The following FRMPD1 variants were observed in gnomAD, a reference collection of about 807,000 sequenced individuals.
FRMPD1 encodes the protein FERM and PDZ domain-containing protein 1.
FRMPD1 carries 76 observed loss-of-function variants against 117.8 expected under a neutral mutation model. The observed-to-expected ratio is 0.65, with a 90% CI of 0.54 to 0.78. The LOEUF (loss-of-function observed/expected upper bound fraction) is 0.78. FRMPD1 is among the 30% of genes least tolerant of loss of function. The probability of loss-of-function intolerance (pLI) is 0.00; values close to 1 mark genes in which losing one functional copy is unlikely to be tolerated. For synonymous variants in FRMPD1, 783 were observed against 770.4 expected, an observed-to-expected ratio of 1.02 and a Z score of -0.27; for missense variants, 1,786 against 1,964.5, an observed-to-expected ratio of 0.91 and a Z score of 1.72.
chr9:37,670,607 A>G (rs1821318122), intron 1 of FRMPD1, among the ~76,000 whole-genome samples: 1 of 152,214 alleles, frequency 6.6e-6, no homozygotes. Context: ...TAACTAGGTC[A>G]GTGTCAAATG....
chr9:37,681,245 A>G (rs189014588), intron 1 of FRMPD1, among the ~76,000 whole-genome samples: 78 of 152,036 alleles, frequency 5.1e-4, no homozygotes, highest in Non-Finnish European at 9.9e-4. Flanking sequence ...AAAGAAAAGA[A>G]AAAAGAAAAT....
intron 1 of FRMPD1, among the ~76,000 whole-genome samples, chr9:37,671,313 G>T (rs1423939750): frequency 6.6e-6 from 1 of 152,212 alleles, no homozygotes; most frequent in East Asian, 1.9e-4. Flanking sequence ...TAGGAAACTT[G>T]AATGTCATGA....
chr9:37,603,701 G>A, the FRMPD1 span, among the ~76,000 whole-genome samples: 4 of 151,778 alleles, frequency 2.6e-5, no homozygotes, highest in Non-Finnish European at 4.4e-5. Context: ...TTTTTGAGAC[G>A]GAGTTTTGCT....
the FRMPD1 span, among the ~76,000 whole-genome samples, chr9:37,645,100 G>GGAAAAA: frequency 8.4e-6 from 1 of 119,574 alleles, no homozygotes; most frequent in Admixed American, 8.2e-5. Flanking sequence ...TGAGCCAGCA[G>GGAAAAA]AAAAAAAAAA....
At chr9:37,696,061 T>G (rs1200428091) in intron 2 of FRMPD1, among the ~76,000 whole-genome samples, 1 of 135,150 alleles carries the variant, frequency 7.4e-6, no homozygotes, top group East Asian at 2.3e-4. Flanking sequence ...CTTTTTTTTT[T>G]TTTTTTTTTT....
At chr9:37,606,255 C>T in the FRMPD1 span, among the ~76,000 whole-genome samples, 2 of 152,040 alleles carry the variant, frequency 1.3e-5, no homozygotes, top group Non-Finnish European at 1.5e-5. Flanking sequence ...ATATTTATCC[C>T]GGTGGAAGAG....
chr9:37,645,181 C>G, the FRMPD1 span, among the ~76,000 whole-genome samples: 1 of 151,550 alleles, frequency 6.6e-6, no homozygotes, highest in Non-Finnish European at 1.5e-5. Flanking sequence ...CCAGTCCTAT[C>G]TTTTCAAAGC....
chr9:37,742,058 T>A (rs1057298929), intron 15 of FRMPD1, among the ~76,000 whole-genome samples: 1 of 152,262 alleles, frequency 6.6e-6, no homozygotes, highest in African/African-American at 2.4e-5. Flanking sequence ...TCTCCATCAC[T>A]AGACCGAGAA....
intron 5 of FRMPD1, among the ~76,000 whole-genome samples, chr9:37,714,188 T>A (rs887015271): frequency 1.3e-5 from 2 of 152,218 alleles, no homozygotes; most frequent in Non-Finnish European, 1.5e-5. Flanking sequence ...GGAAATCTAA[T>A]CAGTATAAAT....
intron 1 of FRMPD1, among the ~76,000 whole-genome samples, chr9:37,686,785 G>A (rs747969994): frequency 7.2e-5 from 11 of 152,328 alleles, no homozygotes; most frequent in Admixed American, 4.6e-4. Context: ...GGAAAGGCTC[G>A]ATGGCCTTCA....
At chr9:37,699,413 G>A (rs548628983) in intron 2 of FRMPD1, among the ~76,000 whole-genome samples, 27 of 149,378 alleles carry the variant, frequency 1.8e-4, no homozygotes, top group African/African-American at 5.4e-4. Context: ...GGCACCTCCC[G>A]GGTTCAAGTG....
rs745611500 is a variant in FRMPD1 at position 37,724,233 on chromosome 9, TC to T, written c.526del (p.Leu176CysfsTer28). 1 of 1,569,000 alleles carries T rather than the reference TC, an allele frequency of 6.4e-7. No homozygotes were observed. The highest frequency in any genetic ancestry group is 8.8e-7 in the Non-Finnish European group (1 of 1,138,834). On this transcript the variant is annotated frameshift_variant, in exon 7 of 16. Coordinates refer to ENST00000377765, the MANE Select transcript of FRMPD1 (RefSeq NM_014907.3). LOFTEE classifies it high-confidence loss of function. ...ACTCTTGTGTTTTCCAGGGTAATTC[TC>T]TGCTGTGTATGCCCAACGTGCTCAA... is the stretch of plus-strand genomic sequence containing the variant. ...LISGHSQGNS[L>X]LCMPNVLKLY... is the part of the protein sequence containing the mutation.
chr9:37,722,356 A>T (rs775264575), intron 6 of FRMPD1, among the ~76,000 whole-genome samples: 1 of 152,010 alleles, frequency 6.6e-6, no homozygotes, highest in African/African-American at 2.4e-5. Context: ...AGAAGATACA[A>T]ACACCTTTAT....
the FRMPD1 span, among the ~76,000 whole-genome samples, chr9:37,616,560 C>G: frequency 6.6e-6 from 1 of 152,118 alleles, no homozygotes; most frequent in African/African-American, 2.4e-5. Context: ...GCTGTTGCAC[C>G]ATGAAAAAGA....
the FRMPD1 span, among the ~76,000 whole-genome samples, chr9:37,628,928 G>T: frequency 2.0e-5 from 3 of 152,212 alleles, no homozygotes; most frequent in Admixed American, 2.0e-4. Context: ...GCCGGGCGCG[G>T]TGGCTCACGC....
At chr9:37,627,003 A>G in the FRMPD1 span, among the ~76,000 whole-genome samples, 1 of 152,148 alleles carries the variant, frequency 6.6e-6, no homozygotes, top group Non-Finnish European at 1.5e-5. Context: ...AGCTCCACAC[A>G]TAATTGGACT....
chr9:37,673,950 A>T (rs12338129), intron 1 of FRMPD1, among the ~76,000 whole-genome samples: 3,830 of 152,326 alleles, frequency 0.025, 161 homozygotes, highest in African/African-American at 0.087. Context: ...AGGTGCTGCC[A>T]TGAAGGTCTC....
At chr9:37,738,366 GTCTC>G (rs1023632983) in intron 14 of FRMPD1, among the ~76,000 whole-genome samples, 3 of 152,038 alleles carry the variant, frequency 2.0e-5, no homozygotes, top group African/African-American at 4.8e-5. Context: ...TTTAGAGGCA[GTCTC>G]TCTCTGTCAC....
the FRMPD1 span, among the ~76,000 whole-genome samples, chr9:37,621,937 A>C: frequency 1.4e-3 from 217 of 152,318 alleles, 1 homozygote; most frequent in African/African-American, 5.0e-3. Context: ...CGTAAGAGGA[A>C]GTCAGTTTGA....
Sources: gnomAD v4.1 joint callset for allele counts (sites outside exome capture counted in the v4.1 genomes callset) on GRCh38, gnomAD v4.1.1 for gene constraint, MANE v1.5 for transcripts, NCBI Gene and HGNC (gene_info 2026-07-23, HGNC 2026-07-21) for gene names.